Variants in KCTD16 observed in about 807,000 individuals in gnomAD.
The protein encoded by KCTD16 is potassium channel tetramerization domain containing 16.
In KCTD16, 13 loss-of-function variants were observed where a neutral mutation model predicts 33.2. That is an observed-to-expected ratio of 0.39 (90% CI 0.25 to 0.62). The LOEUF is 0.62. Ranked by LOEUF, KCTD16 falls within the 20% of genes least tolerant of loss-of-function variation. The probability of loss-of-function intolerance (pLI) is 0.50; values close to 1 mark genes in which losing one functional copy is unlikely to be tolerated. For synonymous variants in KCTD16, 197 were observed against 195.3 expected (o/e 1.01, Z -0.07); for missense variants, 441 against 525.1 (o/e 0.84, Z 1.57).
At position 144,383,946 on chromosome 5, in the gene KCTD16, A is replaced by T. The variant is rs1466950411; in HGVS notation, c.833-89714A>T. ...ATTCATTAAAAATGGTGAGTTGTAGACATCTTTTTGATCAGAAAAACCACA... is the reference window on the plus strand; with the variant it reads ...ATTCATTAAAAATGGTGAGTTGTAGTCATCTTTTTGATCAGAAAAACCACA... On this transcript the variant is annotated intron_variant, in intron 3 of 3. Transcript: ENST00000512467. Among the ~76,000 whole-genome samples the T allele has an allele frequency of 2.0e-5, 3 of 152,196 alleles. No individual in the cohort carries two copies. In the East Asian group the frequency reaches 5.8e-4, roughly 29 times the overall value.
intron 3 of KCTD16, among the ~76,000 whole-genome samples, chr5:144,338,185 A>C (rs929297218): frequency 1.3e-5 from 2 of 152,184 alleles, no homozygotes; most frequent in South Asian, 4.1e-4. Flanking sequence ...GATCTTCTAC[A>C]TCAAGTGACT....
intron 3 of KCTD16, among the ~76,000 whole-genome samples, chr5:144,456,206 C>A (rs940753062): frequency 6.6e-6 from 1 of 150,656 alleles, no homozygotes; most frequent in Admixed American, 6.6e-5. Flanking sequence ...CCTCACAAAC[C>A]CCCCCCAACA....
chr5:144,439,518 T>C, intron 3 of KCTD16: 1 of 200,606 alleles, frequency 5.0e-6, no homozygotes. Context: ...TTTACACAGC[T>C]GTCCTTGCTT....
chr5:144,228,022 A>G (rs918802979), intron 3 of KCTD16, among the ~76,000 whole-genome samples: 2 of 152,208 alleles, frequency 1.3e-5, no homozygotes, highest in African/African-American at 4.8e-5. Flanking sequence ...ATTCATGTGA[A>G]TAATAGGAGT....
In KCTD16 at chr5:144,393,321, C is replaced by G. The variant is rs190060527; in HGVS notation, c.833-80339C>G. On this transcript the variant is annotated intron_variant, in intron 3 of 3. Coordinates refer to ENST00000512467, the MANE Select transcript of KCTD16 (RefSeq NM_020768.4). Reference sequence around the variant, plus strand: ...TCATTATTATTTATATGTCATTCAACGAAGAGAGAGAGCTAAAAAGCTAAA... The same window carrying G: ...TCATTATTATTTATATGTCATTCAAGGAAGAGAGAGAGCTAAAAAGCTAAA... Among the ~76,000 whole-genome samples, 190 of 152,144 alleles carry G rather than the reference C, an allele frequency of 1.2e-3. 1 individual carries two copies. The highest frequency in any genetic ancestry group is 0.011 in the South Asian group (51 of 4,816).
At chr5:144,359,330 A>G (rs1751649616) in intron 3 of KCTD16, among the ~76,000 whole-genome samples, 2 of 152,170 alleles carry the variant, frequency 1.3e-5, no homozygotes, top group South Asian at 4.1e-4. Flanking sequence ...GAAGTGGTAG[A>G]AACTCTTCAG....
intron 3 of KCTD16, among the ~76,000 whole-genome samples, chr5:144,232,834 C>CAAT (rs967372141): frequency 6.6e-6 from 1 of 152,060 alleles, no homozygotes; most frequent in African/African-American, 2.4e-5. Context: ...TTCATTGCTT[C>CAAT]AATTTTTAAA....
intron 3 of KCTD16, among the ~76,000 whole-genome samples, chr5:144,385,709 GT>G (rs774723696): frequency 2.8e-4 from 43 of 152,296 alleles, no homozygotes; most frequent in East Asian, 2.7e-3. Flanking sequence ...AAATGTATAT[GT>G]CTGCCTCTGG....
intron 3 of KCTD16, among the ~76,000 whole-genome samples, chr5:144,391,321 A>G (rs958964783): frequency 6.6e-6 from 1 of 152,234 alleles, no homozygotes; most frequent in African/African-American, 2.4e-5. Context: ...TGGGGAAGTG[A>G]TATATTTATA....
At chr5:144,232,761 A>G (rs1346449179) in intron 3 of KCTD16, among the ~76,000 whole-genome samples, 1 of 152,216 alleles carries the variant, frequency 6.6e-6, no homozygotes, top group East Asian at 1.9e-4. Flanking sequence ...AAACAGTAAA[A>G]TTAACTTGAA....
intron 3 of KCTD16, among the ~76,000 whole-genome samples, chr5:144,380,843 C>T (rs1216288497): frequency 6.6e-6 from 1 of 152,038 alleles, no homozygotes; most frequent in Non-Finnish European, 1.5e-5. Flanking sequence ...TAAATGAAAA[C>T]CTAAAACTAC....
At chr5:144,248,407 C>T (rs1754607445) in intron 3 of KCTD16, among the ~76,000 whole-genome samples, 1 of 152,194 alleles carries the variant, frequency 6.6e-6, no homozygotes, top group South Asian at 2.1e-4. Context: ...ATGAAACAAA[C>T]TGGCAGGAAC....
intron 3 of KCTD16, among the ~76,000 whole-genome samples, chr5:144,348,949 G>T (rs1026223204): frequency 6.6e-6 from 1 of 152,126 alleles, no homozygotes; most frequent in African/African-American, 2.4e-5. Context: ...GGGGGCTAAA[G>T]AAATCCTGTG....
intron 3 of KCTD16, among the ~76,000 whole-genome samples, chr5:144,232,996 C>CGTTAAAAT (rs1754149701): frequency 1.3e-5 from 2 of 152,010 alleles, no homozygotes; most frequent in Non-Finnish European, 2.9e-5. Flanking sequence ...TCATGTTGCT[C>CGTTAAAAT]GTGGACATCC....
intron 3 of KCTD16, among the ~76,000 whole-genome samples, chr5:144,224,038 C>T (rs1002102342): frequency 2.6e-5 from 4 of 151,876 alleles, no homozygotes; most frequent in African/African-American, 7.3e-5. Flanking sequence ...TGTTCAGGTT[C>T]GTAGTAGTGT....
intron 3 of KCTD16, among the ~76,000 whole-genome samples, chr5:144,448,393 G>T (rs150414155): frequency 6.6e-6 from 1 of 152,056 alleles, no homozygotes; most frequent in Admixed American, 6.6e-5. Flanking sequence ...AGAGCCTTAA[G>T]CTCTCTCTGG....
At chr5:144,327,472 T>C (rs1752240211) in intron 3 of KCTD16, among the ~76,000 whole-genome samples, 1 of 152,204 alleles carries the variant, frequency 6.6e-6, no homozygotes, top group Non-Finnish European at 1.5e-5. Context: ...CCTGTTTCCA[T>C]GGTATCCAAT....
intron 3 of KCTD16, among the ~76,000 whole-genome samples, chr5:144,432,077 T>C (rs1653251456): frequency 6.6e-6 from 1 of 152,186 alleles, no homozygotes; most frequent in African/African-American, 2.4e-5. Context: ...CTTTTTCCAC[T>C]ATTCTAATGC....
rs140519924 is a variant in KCTD16, at chr5:144,341,764, A to G, written c.833-131896A>G. On this transcript the variant is annotated intron_variant, in intron 3 of 3. Coordinates refer to ENST00000512467, the MANE Select transcript of KCTD16 (RefSeq NM_020768.4). ...GAGTTTGGATTTGGGGGATCAAGGC[A>G]CTTTCAATTTCCAGTATCAGATGCT... is the stretch of plus-strand genomic sequence containing the variant. Among the ~76,000 whole-genome samples the G allele has an allele frequency of 6.6e-3, 1,011 of 152,324 alleles. 6 individuals are homozygous for G. Among genetic ancestry groups the G allele is most frequent in the Non-Finnish European group, 0.01 (685 of 68,030 alleles).
Sources: allele counts gnomAD v4.1 joint callset (sites outside exome capture counted in the v4.1 genomes callset), GRCh38; gene constraint gnomAD v4.1.1; transcripts MANE v1.5; gene names NCBI Gene and HGNC (gene_info 2026-07-23, HGNC 2026-07-21).